SNTG2: variants seen among roughly 807,000 people sequenced by gnomAD.
SNTG2 encodes the protein syntrophin gamma 2, also known as gamma-2-syntrophin.
SNTG2 carries 74 observed loss-of-function variants against 70.9 expected under a neutral mutation model. The observed-to-expected ratio is 1.04, with a 90% CI of 0.86 to 1.27. The LOEUF (loss-of-function observed/expected upper bound fraction) is 1.27. Among genes scored for constraint, SNTG2 ranks in the 50% most tolerant of loss-of-function variants. The pLI, the probability that SNTG2 is intolerant of heterozygous loss-of-function variation, is 0.00. For synonymous variants in SNTG2, 278 were observed against 273.8 expected, an observed-to-expected ratio of 1.02 and a Z score of -0.15; for missense variants, 717 against 690.7, an observed-to-expected ratio of 1.04 and a Z score of -0.43.
intron 1 of SNTG2, among the ~76,000 whole-genome samples, chr2:1,064,956 CTG>C (rs899868854): frequency 2.0e-5 from 3 of 152,182 alleles, no homozygotes; most frequent in African/African-American, 4.8e-5. Flanking sequence ...GGAAGATACT[CTG>C]TGTCAATACT....
At chr2:1,022,387 C>T (rs1454875278) in intron 1 of SNTG2, among the ~76,000 whole-genome samples, 2 of 151,962 alleles carry the variant, frequency 1.3e-5, no homozygotes, top group African/African-American at 4.8e-5. Flanking sequence ...CCGTGAGGAC[C>T]TGCGTTCTCA....
rs551170856 is a variant in SNTG2 at position 1,099,846 on chromosome 2, G to C, written c.325+1436G>C. ...TGCGTTGCCATGAAATTTGCATCCG[G>C]GTAAAGATTCTTTTTCGGCAGAAGG... On this transcript the variant is annotated intron_variant, in intron 4 of 16. Transcript: ENST00000308624. Among the ~76,000 whole-genome samples the C allele has an allele frequency of 2.0e-5, 3 of 152,296 alleles. No homozygotes were observed. In the South Asian group the frequency reaches 6.2e-4, roughly 32 times the overall value.
intron 8 of SNTG2, among the ~76,000 whole-genome samples, chr2:1,207,856 T>C (rs6707191): frequency 0.52 from 79,395 of 152,058 alleles, 21,259 homozygotes; most frequent in East Asian, 0.75. Flanking sequence ...TTGGGGTGGA[T>C]AGGGTTGGCT....
chr2:1,103,386 T>TC (rs1274128613), intron 4 of SNTG2: 1 of 293,698 alleles, frequency 3.4e-6, no homozygotes, highest in Non-Finnish European at 6.8e-6. Context: ...TTTCTTTTTT[T>TC]TTTTATTTTT....
At chr2:991,031 A>G (rs1287128425) in intron 1 of SNTG2, among the ~76,000 whole-genome samples, 1 of 152,150 alleles carries the variant, frequency 6.6e-6, no homozygotes, top group Non-Finnish European at 1.5e-5. Context: ...CTTGTTAAGT[A>G]CTTACCATCC....
chr2:1,250,921 T>A lies in SNTG2; in HGVS notation c.1005+3478T>A, dbSNP rs868387671. Among the ~76,000 whole-genome samples, 9 of 152,374 alleles carry A rather than the reference T, an allele frequency of 5.9e-5. No individual in the cohort carries two copies. In the Middle Eastern group the frequency reaches 0.014, roughly 230 times the overall value. ...TCTATCGTCTCTTTCTCCTTCTGCA[T>A]ACACTCCGGAACATTCCTAGAACAT... is the stretch of plus-strand genomic sequence containing the variant. On this transcript the variant is annotated intron_variant, in intron 12 of 16. Coordinates refer to ENST00000308624, the MANE Select transcript of SNTG2 (RefSeq NM_018968.4).
intron 4 of SNTG2, among the ~76,000 whole-genome samples, chr2:1,129,365 C>G (rs1264621479): frequency 6.6e-6 from 1 of 152,174 alleles, no homozygotes; most frequent in Non-Finnish European, 1.5e-5. Flanking sequence ...AACTCAGTGT[C>G]CATTATGGTA....
chr2:1,252,868 TACAC>T (rs746647504), intron 12 of SNTG2, among the ~76,000 whole-genome samples: 1 of 152,196 alleles, frequency 6.6e-6, no homozygotes, highest in Non-Finnish European at 1.5e-5. Context: ...GCAAAATCAA[TACAC>T]ACAATATGGT....
chr2:1,257,430 G>A (rs943419999), intron 12 of SNTG2, among the ~76,000 whole-genome samples: 4 of 152,164 alleles, frequency 2.6e-5, no homozygotes, highest in African/African-American at 7.2e-5. Flanking sequence ...AGGAATAAAC[G>A]AGTAGGAGGA....
chr2:1,252,083 A>T (rs1251408362), intron 12 of SNTG2, among the ~76,000 whole-genome samples: 1 of 152,232 alleles, frequency 6.6e-6, no homozygotes. Flanking sequence ...GGCGCCCAGT[A>T]CGCAGAGAGC....
rs190571345 is a variant in SNTG2 at position 1,095,941 on chromosome 2, C to T, written c.211-2255C>T. ...CACAGAGGAGCAGCTGGCAGGTGGACGGACGCCTTTCTCCCCACTCCCTCA... is the reference window on the plus strand; with the variant it reads ...CACAGAGGAGCAGCTGGCAGGTGGATGGACGCCTTTCTCCCCACTCCCTCA... On this transcript the variant is annotated intron_variant, in intron 2 of 16. Transcript: ENST00000308624. 3.9e-3 allele frequency among the ~76,000 whole-genome samples: 600 copies of T among 152,256 alleles called. 2 individuals are homozygous for T. The highest frequency in any genetic ancestry group is 0.014 in the African/African-American group (568 of 41,548).
Position 1,168,932 on chromosome 2 carries a change from A to G in SNTG2, c.499+3297A>G, listed in dbSNP as rs1187641673. 3.3e-5 allele frequency among the ~76,000 whole-genome samples: 5 copies of G among 152,162 alleles called. No homozygotes were observed. The East Asian group carries it at 9.6e-4, about 29-fold the overall frequency. ...AAGGTTTAAGGGAGCGAAATGTCAC[A>G]CGCGGCACAGTGGTGCACCCCTGGG... On this transcript the variant is annotated intron_variant, in intron 7 of 16. Transcript: ENST00000308624.
chr2:1,068,886 G>A (rs12467674), intron 1 of SNTG2, among the ~76,000 whole-genome samples: 85,828 of 152,092 alleles, frequency 0.56, 24,539 homozygotes, highest in East Asian at 0.68. Flanking sequence ...TCACTTATGC[G>A]CCAGCTGTTT....
At chr2:1,273,027 G>A (rs112327484) in intron 14 of SNTG2, among the ~76,000 whole-genome samples, 7 of 152,296 alleles carry the variant, frequency 4.6e-5, no homozygotes, top group African/African-American at 1.2e-4. Context: ...CCATCACCGC[G>A]CAGTGGGTCT....
intron 4 of SNTG2, among the ~76,000 whole-genome samples, chr2:1,119,749 G>A (rs1437552640): frequency 1.3e-5 from 2 of 152,000 alleles, no homozygotes; most frequent in African/African-American, 2.4e-5. Flanking sequence ...GCAGACGAGA[G>A]TGGAGGAAAG....
intron 7 of SNTG2, among the ~76,000 whole-genome samples, chr2:1,172,870 G>A (rs990958739): frequency 1.3e-5 from 2 of 152,142 alleles, no homozygotes; most frequent in Non-Finnish European, 2.9e-5. Context: ...CACAGGAGCC[G>A]GCAGTGGTCC....
chr2:1,095,193 C>T (rs1665313797), intron 2 of SNTG2, among the ~76,000 whole-genome samples: 1 of 152,230 alleles, frequency 6.6e-6, no homozygotes, highest in African/African-American at 2.4e-5. Flanking sequence ...TTAGTTACCT[C>T]CTACAGGCCC....
At chr2:1,064,921 T>C (rs1663054581) in intron 1 of SNTG2, among the ~76,000 whole-genome samples, 2 of 152,150 alleles carry the variant, frequency 1.3e-5, no homozygotes, top group African/African-American at 4.8e-5. Context: ...GAAACACATT[T>C]AACAAAAAGA....
chr2:1,311,425 C>T (rs1680983345), intron 15 of SNTG2, among the ~76,000 whole-genome samples: 1 of 152,126 alleles, frequency 6.6e-6, no homozygotes, highest in Admixed American at 6.5e-5. Context: ...TTAGAATTTG[C>T]AATATTTGAA....
Sources: allele counts gnomAD v4.1 joint callset (sites outside exome capture counted in the v4.1 genomes callset), GRCh38; gene constraint gnomAD v4.1.1; transcripts MANE v1.5; gene names NCBI Gene and HGNC (gene_info 2026-07-23, HGNC 2026-07-21).